Variants in SYT1 observed in about 807,000 individuals in gnomAD.
The protein encoded by SYT1 is synaptotagmin-1.
SYT1 carries 8 observed loss-of-function variants against 44.8 expected under a neutral mutation model. The ratio of observed to expected loss-of-function variants is 0.18; its 90% CI spans 0.10 to 0.32. The LOEUF is 0.32. SYT1 is among the 10% of genes least tolerant of loss of function. SYT1 has a pLI of 1.00. For missense variants in SYT1, 286 were observed against 509.3 expected, an observed-to-expected ratio of 0.56 and a Z score of 4.22; for synonymous variants, 154 against 188.8, an observed-to-expected ratio of 0.82 and a Z score of 1.51.
chr12:79,175,859 G>C (rs1871828762), intron 3 of SYT1, among the ~76,000 whole-genome samples: 1 of 151,968 alleles, frequency 6.6e-6, no homozygotes, highest in South Asian at 2.1e-4. Context: ...CTGGGGGTTG[G>C]GGGGTAGCAT....
chr12:79,055,079 G>A (rs1189229803), intron 3 of SYT1, among the ~76,000 whole-genome samples: 1 of 151,948 alleles, frequency 6.6e-6, no homozygotes, highest in African/African-American at 2.4e-5. Flanking sequence ...ACTATGGGAT[G>A]TAGGACAATT....
chr12:79,121,836 A>G (rs1424265732), intron 3 of SYT1, among the ~76,000 whole-genome samples: 1 of 152,246 alleles, frequency 6.6e-6, no homozygotes, highest in Non-Finnish European at 1.5e-5. Context: ...AATATCAAGA[A>G]CCTGTCAATG....
chr12:79,123,053 T>A (rs1459693186), intron 3 of SYT1, among the ~76,000 whole-genome samples: 1 of 152,200 alleles, frequency 6.6e-6, no homozygotes, highest in East Asian at 1.9e-4. Context: ...CCACAGAAAC[T>A]TGTATGTTTA....
chr12:79,170,386 C>T (rs1457278856), intron 3 of SYT1, among the ~76,000 whole-genome samples: 1 of 152,030 alleles, frequency 6.6e-6, no homozygotes, highest in Non-Finnish European at 1.5e-5. Flanking sequence ...TTGATACTAG[C>T]CATTCTAACT....
chr12:78,950,399 T>C (rs1878899345), intron 1 of SYT1, among the ~76,000 whole-genome samples: 1 of 152,030 alleles, frequency 6.6e-6, no homozygotes. Context: ...CACACACTTC[T>C]AGTGGAATTT....
intron 8 of SYT1, among the ~76,000 whole-genome samples, chr12:79,340,460 G>T (rs1443300791): frequency 6.6e-6 from 1 of 152,044 alleles, no homozygotes; most frequent in Non-Finnish European, 1.5e-5. Flanking sequence ...CTCATGATTT[G>T]GCTCTCTGTT....
At chr12:79,291,218 T>C (rs1392685637) in intron 5 of SYT1, among the ~76,000 whole-genome samples, 2 of 152,174 alleles carry the variant, frequency 1.3e-5, no homozygotes, top group African/African-American at 2.4e-5. Context: ...TCAGACTGAG[T>C]TTTGAGAGTT....
chr12:79,409,634 C>G (rs1464690029), intron 9 of SYT1, among the ~76,000 whole-genome samples: 1 of 152,040 alleles, frequency 6.6e-6, no homozygotes, highest in African/African-American at 2.4e-5. Context: ...TAATCTAAAG[C>G]CAGTTTTCAG....
At chr12:79,064,115 A>G (rs1422062689) in intron 3 of SYT1, among the ~76,000 whole-genome samples, 1 of 152,154 alleles carries the variant, frequency 6.6e-6, no homozygotes, top group Non-Finnish European at 1.5e-5. Context: ...ATGCAACAGT[A>G]CCAGACCTTC....
chr12:78,883,774 A>T (rs1874588778), intron 1 of SYT1, among the ~76,000 whole-genome samples: 1 of 151,544 alleles, frequency 6.6e-6, no homozygotes, highest in African/African-American at 2.4e-5. Flanking sequence ...CTCTATTTTT[A>T]ACCACTTCTT....
chr12:78,998,108 G>A (rs1300175761), intron 2 of SYT1, among the ~76,000 whole-genome samples: 3 of 152,184 alleles, frequency 2.0e-5, no homozygotes, highest in African/African-American at 7.2e-5. Flanking sequence ...GAAAGAAAGA[G>A]CAGGATCTGA....
At chr12:79,367,386 T>A (rs1376232684) in intron 9 of SYT1, among the ~76,000 whole-genome samples, 2 of 152,236 alleles carry the variant, frequency 1.3e-5, no homozygotes, top group Non-Finnish European at 1.5e-5. Context: ...GAGCAGCTCC[T>A]GGTTGTCTTT....
At chr12:79,026,910 G>A (rs1872575824) in intron 2 of SYT1, among the ~76,000 whole-genome samples, 1 of 151,260 alleles carries the variant, frequency 6.6e-6, no homozygotes, top group African/African-American at 2.4e-5. Context: ...GATAACAAGT[G>A]TTGGAAAGGG....
chr12:79,083,298 G>T (rs1055059077), intron 3 of SYT1, among the ~76,000 whole-genome samples: 1 of 152,134 alleles, frequency 6.6e-6, no homozygotes, highest in Admixed American at 6.6e-5. Context: ...ATTACTGACT[G>T]AAGTATAAAT....
At chr12:79,054,598 GA>G (rs1198114936) in intron 3 of SYT1, among the ~76,000 whole-genome samples, 1 of 151,828 alleles carries the variant, frequency 6.6e-6, no homozygotes, top group Non-Finnish European at 1.5e-5. Flanking sequence ...TACAACTTTG[GA>G]AATTCATTCC....
intron 2 of SYT1, among the ~76,000 whole-genome samples, chr12:79,015,117 T>C (rs1044108947): frequency 1.3e-4 from 20 of 151,418 alleles, no homozygotes; most frequent in Non-Finnish European, 2.5e-4. Flanking sequence ...TGCTAAATGA[T>C]GAGTTAATGG....
chr12:79,285,764 T>C (rs767054918), intron 4 of SYT1, 23 bp from the exon 5 acceptor site: 9 of 1,554,650 alleles, frequency 5.8e-6, no homozygotes, highest in Non-Finnish European at 7.9e-6. Flanking sequence ...GTATGACTAG[T>C]GCTCTCTGTG....
chr12:79,295,586 C>T (rs1236316177), intron 6 of SYT1, among the ~76,000 whole-genome samples: 1 of 152,138 alleles, frequency 6.6e-6, no homozygotes, highest in Non-Finnish European at 1.5e-5. Context: ...TATTTTTTAT[C>T]TCAAAATGCT....
At chr12:79,073,206 A>G (rs1270784283) in intron 3 of SYT1, among the ~76,000 whole-genome samples, 2 of 152,054 alleles carry the variant, frequency 1.3e-5, no homozygotes, top group Non-Finnish European at 2.9e-5. Flanking sequence ...GACTCAAGCC[A>G]TCTTCCCACC....
Sources: allele counts gnomAD v4.1 joint callset (sites outside exome capture counted in the v4.1 genomes callset), GRCh38; gene constraint gnomAD v4.1.1; transcripts MANE v1.5; gene names NCBI Gene and HGNC (gene_info 2026-07-23, HGNC 2026-07-21).